Variants in TRPM6 observed in about 807,000 individuals in gnomAD.
The protein encoded by TRPM6 is channel kinase 2.
Under a neutral mutation model 247.6 loss-of-function variants are expected in TRPM6, and 111 were observed. The ratio of observed to expected loss-of-function variants is 0.45; its 90% CI spans 0.38 to 0.52. The LOEUF is 0.52. TRPM6 is among the 20% of genes least tolerant of loss of function. TRPM6 has a pLI of 0.00. For missense variants in TRPM6, 2,126 were observed against 2,421.5 expected, an observed-to-expected ratio of 0.88 and a Z score of 2.56; for synonymous variants, 892 against 853.8, an observed-to-expected ratio of 1.04 and a Z score of -0.78.
intron 6 of TRPM6, 106 bp downstream of exon 6, chr9:74,833,892 A>G (rs546004403): frequency 3.4e-6 from 5 of 1,463,090 alleles, no homozygotes; most frequent in Non-Finnish European, 4.7e-6. Context: ...GGTAGTGAAT[A>G]TATTACATCT....
chr9:74,745,098 G>C (rs901800558), intron 31 of TRPM6, among the ~76,000 whole-genome samples: 6 of 152,224 alleles, frequency 3.9e-5, no homozygotes, highest in Admixed American at 3.9e-4. Context: ...AGAGAGACAG[G>C]TAACTATAAT....
At chr9:74,742,414 C>A (rs1825895201) in intron 33 of TRPM6, 147 bp downstream of exon 33, 1 of 764,396 alleles carries the variant, frequency 1.3e-6, no homozygotes, top group Non-Finnish European at 2.2e-6. Context: ...ACAAGAATTT[C>A]CATTTTAGGA....
At chr9:74,791,183 C>T (rs1293311693) in intron 19 of TRPM6, among the ~76,000 whole-genome samples, 2 of 152,146 alleles carry the variant, frequency 1.3e-5, no homozygotes, top group African/African-American at 2.4e-5. Flanking sequence ...CAGAGTCTTT[C>T]GTATATGTTG....
intron 9 of TRPM6, among the ~76,000 whole-genome samples, chr9:74,820,047 G>A (rs943527432): frequency 6.6e-6 from 1 of 152,048 alleles, no homozygotes; most frequent in Admixed American, 6.6e-5. Context: ...TGTGCAGGAT[G>A]TGCAGGTTTG....
At chr9:74,881,291 T>A (rs929983701) in intron 1 of TRPM6, among the ~76,000 whole-genome samples, 2 of 151,726 alleles carry the variant, frequency 1.3e-5, no homozygotes, top group African/African-American at 4.8e-5. Flanking sequence ...TATACTTATA[T>A]CAGATGAAAC....
intron 1 of TRPM6, chr9:74,887,342 GA>G: frequency 7.2e-7 from 1 of 1,392,484 alleles, no homozygotes; most frequent in Non-Finnish European, 9.3e-7. Flanking sequence ...AGCCGCCTCG[GA>G]AAGCCGCGAC....
In TRPM6 at chr9:74,739,686, T is replaced by C. The variant is rs747883956; in HGVS notation, c.5487+37A>G. The C allele has an allele frequency of 3.1e-6, 5 of 1,607,000 alleles. No individual in the cohort carries two copies. The East Asian group carries it at 1.1e-4, about 36-fold the overall frequency. On this transcript the variant is annotated intron_variant, in intron 34 of 38. Coordinates refer to ENST00000360774, the MANE Select transcript of TRPM6 (RefSeq NM_017662.5). ...AGCCAGATCTCTTTTCTTTGACTTG[T>C]CCCTCTGGGCTATGGGTCTCTGAGT...
chr9:74,775,412 A>G (rs1374772241), intron 24 of TRPM6, among the ~76,000 whole-genome samples: 1 of 152,206 alleles, frequency 6.6e-6, no homozygotes, highest in Admixed American at 6.5e-5. Context: ...CTCCATGCTC[A>G]GTAGATTAGA....
rs537718859 is a variant in TRPM6 at position 74,782,836 on chromosome 9, A to G, written c.2937T>C (p.Tyr979=). ...MIAKMTANMF[Y]IVIIMAIVLL... is the part of the protein sequence containing the mutation. ...GGACTATGGCCATGATGATCACAAT[A>G]TAGAACATGTTTGCTGTCTGCAAAA... is the stretch of plus-strand genomic sequence containing the variant. Residue 979 remains tyrosine, a synonymous_variant, in exon 22 of 39, where the codon TAT becomes TAC. Coordinates refer to ENST00000360774, the MANE Select transcript of TRPM6 (RefSeq NM_017662.5). The G allele has an allele frequency of 2.5e-6, 4 of 1,614,188 alleles. No individual in the cohort carries two copies. The East Asian group carries it at 8.9e-5, about 36-fold the overall frequency.
intron 1 of TRPM6, among the ~76,000 whole-genome samples, chr9:74,859,021 A>T (rs1408682701): frequency 6.6e-6 from 1 of 152,212 alleles, no homozygotes; most frequent in Non-Finnish European, 1.5e-5. Context: ...CCTAGCAAGG[A>T]AGTAAAGATG....
chr9:74,796,282 A>T (rs1828095245), intron 18 of TRPM6, among the ~76,000 whole-genome samples: 2 of 152,222 alleles, frequency 1.3e-5, no homozygotes, highest in African/African-American at 2.4e-5. Flanking sequence ...CAATGGTGAG[A>T]TATTGTGGAT....
chr9:74,759,891 T>G (rs1054282831), intron 27 of TRPM6, among the ~76,000 whole-genome samples: 6 of 152,052 alleles, frequency 3.9e-5, no homozygotes, highest in Non-Finnish European at 5.9e-5. Context: ...TAACATATAT[T>G]TTAAAATGCT....
At chr9:74,794,980 T>A (rs1174333130) in intron 18 of TRPM6, among the ~76,000 whole-genome samples, 1 of 151,760 alleles carries the variant, frequency 6.6e-6, no homozygotes, top group African/African-American at 2.4e-5. Flanking sequence ...GCAGTCATAT[T>A]TCCCACTTAA....
At chr9:74,781,926 T>G (rs1827475094) in intron 23 of TRPM6, among the ~76,000 whole-genome samples, 1 of 152,232 alleles carries the variant, frequency 6.6e-6, no homozygotes, top group Non-Finnish European at 1.5e-5. Context: ...GTGCTGAACA[T>G]GCAGAGACGT....
At chr9:74,881,743 C>T (rs1050797832) in intron 1 of TRPM6, among the ~76,000 whole-genome samples, 11 of 152,034 alleles carry the variant, frequency 7.2e-5, no homozygotes, top group Non-Finnish European at 1.3e-4. Context: ...CTTCTCAGAC[C>T]ACAAGATAAA....
Position 74,738,551 on chromosome 9 carries a change from A to G in TRPM6, c.5632T>C (p.Tyr1878His). The G allele has an allele frequency of 1.2e-6, 2 of 1,614,074 alleles. No individual in the cohort carries two copies. Among genetic ancestry groups the G allele is most frequent in the Non-Finnish European group, 1.7e-6 (2 of 1,179,982 alleles). Reference sequence around the variant, plus strand: ...TACTTCCGGAACTCCCCTGTCATATACTTCTCAATGGTCAACCACTGGTTG... The same window carrying G: ...TACTTCCGGAACTCCCCTGTCATATGCTTCTCAATGGTCAACCACTGGTTG... ...SANQWLTIEKYMTGEFRKYNN... is the reference protein window; with the variant it reads ...SANQWLTIEKHMTGEFRKYNN... The change falls in exon 36 of 39, where the codon TAT (tyrosine) becomes CAT (histidine). Residue 1878 changes from tyrosine to histidine, a missense_variant. Physicochemically the swap from Tyr to His is moderately conservative, Grantham distance 83. Around this residue, in one of 3 missense-constraint regions of TRPM6, gnomAD observed 327 missense variants for 397.7 expected, o/e 0.82. Coordinates refer to ENST00000360774, the MANE Select transcript of TRPM6 (RefSeq NM_017662.5).
At chr9:74,788,831 T>C (rs2118956415) in intron 19 of TRPM6, 89 bp from the exon 20 acceptor site, 5 of 1,508,804 alleles carry the variant, frequency 3.3e-6, no homozygotes, top group East Asian at 2.4e-5. Context: ...AACCCAGGCA[T>C]GAACTTCAAC....
At chr9:74,865,321 C>T (rs1409653652) in intron 1 of TRPM6, among the ~76,000 whole-genome samples, 2 of 152,142 alleles carry the variant, frequency 1.3e-5, no homozygotes, top group African/African-American at 4.8e-5. Context: ...AAAATAGCAG[C>T]GAAAGACATC....
intron 1 of TRPM6, among the ~76,000 whole-genome samples, chr9:74,867,054 G>A (rs974783102): frequency 2.0e-4 from 31 of 152,118 alleles, no homozygotes; most frequent in Non-Finnish European, 5.9e-5. Flanking sequence ...TTTCATGTCT[G>A]GCTAAAGATG....
Sources: allele counts gnomAD v4.1 joint callset (sites outside exome capture counted in the v4.1 genomes callset), GRCh38; gene constraint gnomAD v4.1.1; regional missense constraint gnomAD v4.1.1; transcripts MANE v1.5; gene names NCBI Gene and HGNC (gene_info 2026-07-23, HGNC 2026-07-21).